FHIT: variants seen among roughly 807,000 people sequenced by gnomAD.
The protein encoded by FHIT is fragile histidine triad diadenosine triphosphatase, also known as bis(5'-adenosyl)-triphosphatase.
Under a neutral mutation model 17.9 loss-of-function variants are expected in FHIT, and 19 were observed. That is an observed-to-expected ratio of 1.06 (90% CI 0.74 to 1.56). FHIT has a LOEUF of 1.56. Ranked by LOEUF, FHIT falls within the 40% of genes most tolerant of loss-of-function variation. FHIT has a pLI of 0.00. For missense variants in FHIT, 248 were observed against 189.2 expected (o/e 1.31, Z -1.82); for synonymous variants, 81 against 69.7 (o/e 1.16, Z -0.81).
chr3:60,305,220 A>C (rs538397051), intron 5 of FHIT, among the ~76,000 whole-genome samples: 1 of 152,250 alleles, frequency 6.6e-6, no homozygotes, highest in Non-Finnish European at 1.5e-5. Flanking sequence ...CATAATAAAT[A>C]GGAAACACTG....
intron 4 of FHIT, among the ~76,000 whole-genome samples, chr3:60,591,634 G>A (rs2038088166): frequency 6.6e-6 from 1 of 152,070 alleles, no homozygotes; most frequent in Non-Finnish European, 1.5e-5. Context: ...TGTCGTGGAA[G>A]ACTAAAGTTA....
intron 5 of FHIT, among the ~76,000 whole-genome samples, chr3:60,286,202 A>G (rs192793773): frequency 2.0e-5 from 3 of 152,328 alleles, no homozygotes; most frequent in Admixed American, 1.3e-4. Flanking sequence ...GAACACCACA[A>G]TGAACTAGAA....
At chr3:60,729,752 T>G (rs2041990201) in intron 4 of FHIT, among the ~76,000 whole-genome samples, 1 of 98,868 alleles carries the variant, frequency 1.0e-5, no homozygotes, top group Non-Finnish European at 2.1e-5. Context: ...AAAAGAAGAT[T>G]TTAAAAATAT....
chr3:59,839,318 C>T (rs1701448753), intron 8 of FHIT, among the ~76,000 whole-genome samples: 3 of 132,588 alleles, frequency 2.3e-5, no homozygotes, highest in Admixed American at 7.5e-5. Context: ...ACTTCATTTT[C>T]AAAAAAAAAA....
chr3:61,043,186 G>A (rs1326955016), intron 2 of FHIT, among the ~76,000 whole-genome samples: 1 of 152,158 alleles, frequency 6.6e-6, no homozygotes, highest in African/African-American at 2.4e-5. Context: ...AAGGGGTCAG[G>A]GAATTCCGTT....
chr3:59,935,952 C>G (rs1227683774), intron 7 of FHIT, among the ~76,000 whole-genome samples: 2 of 152,166 alleles, frequency 1.3e-5, no homozygotes, highest in Non-Finnish European at 2.9e-5. Context: ...TTGTACACAC[C>G]TTTCTTCCCC....
intron 1 of FHIT, among the ~76,000 whole-genome samples, chr3:61,201,738 C>A (rs1243534629): frequency 2.7e-5 from 4 of 145,650 alleles, no homozygotes; most frequent in African/African-American, 1.1e-4. Flanking sequence ...TCAGAAATTT[C>A]TCCTTCCCCC....
intron 5 of FHIT, among the ~76,000 whole-genome samples, chr3:60,020,090 G>A (rs76062469): frequency 1.0e-3 from 155 of 152,240 alleles, no homozygotes; most frequent in African/African-American, 3.7e-3. Flanking sequence ...ATGAAACACA[G>A]AACCAACTGC....
chr3:60,305,472 A>G (rs1435788131), intron 5 of FHIT, among the ~76,000 whole-genome samples: 3 of 152,136 alleles, frequency 2.0e-5, no homozygotes, highest in East Asian at 1.9e-4. Flanking sequence ...ATGCAGGGCC[A>G]TGAGTTACTG....
At chr3:60,052,574 T>C in intron 5 of FHIT, among the ~76,000 whole-genome samples, 1 of 151,996 alleles carries the variant, frequency 6.6e-6, no homozygotes, top group East Asian at 1.9e-4. Context: ...TCATAAACAT[T>C]GTGAACTGGC....
At chr3:60,984,905 G>C (rs1710655167) in intron 3 of FHIT, among the ~76,000 whole-genome samples, 1 of 151,944 alleles carries the variant, frequency 6.6e-6, no homozygotes, top group Non-Finnish European at 1.5e-5. Flanking sequence ...AACACATAAT[G>C]ATAAAAATTT....
At chr3:59,874,587 G>A (rs996178025) in intron 8 of FHIT, among the ~76,000 whole-genome samples, 6 of 152,092 alleles carry the variant, frequency 3.9e-5, no homozygotes, top group Non-Finnish European at 7.3e-5. Flanking sequence ...TGAAACGTAC[G>A]ATATTACGGG....
chr3:60,519,569 TTAAAG>T (rs1326107042), intron 5 of FHIT, among the ~76,000 whole-genome samples: 2 of 147,094 alleles, frequency 1.4e-5, no homozygotes, highest in Non-Finnish European at 3.0e-5. Context: ...TATTGTATTC[TTAAAG>T]TAAACTAGAG....
chr3:60,464,597 G>T (rs1024745837), intron 5 of FHIT, among the ~76,000 whole-genome samples: 2 of 152,118 alleles, frequency 1.3e-5, no homozygotes, highest in Non-Finnish European at 2.9e-5. Context: ...TCACAAAGAA[G>T]TGAGAACATG....
intron 7 of FHIT, among the ~76,000 whole-genome samples, chr3:59,985,844 T>C (rs1708873902): frequency 6.6e-6 from 1 of 152,068 alleles, no homozygotes; most frequent in African/African-American, 2.4e-5. Flanking sequence ...CACTCAGTCA[T>C]GACTGGCCTT....
At chr3:60,481,559 C>G (rs2033610704) in intron 5 of FHIT, among the ~76,000 whole-genome samples, 1 of 152,188 alleles carries the variant, frequency 6.6e-6, no homozygotes, top group Admixed American at 6.5e-5. Context: ...CCCAGAATTT[C>G]ATATCCAGCC....
chr3:60,954,936 C>T (rs1553778276), intron 3 of FHIT, among the ~76,000 whole-genome samples: 1 of 152,194 alleles, frequency 6.6e-6, no homozygotes, highest in Non-Finnish European at 1.5e-5. Context: ...ACCAAACAGA[C>T]TTGTCCTAAT....
intron 8 of FHIT, among the ~76,000 whole-genome samples, chr3:59,824,947 C>G (rs2629895): frequency 0.99 from 151,339 of 152,352 alleles, 75,177 homozygotes; most frequent in East Asian, 1. Context: ...TCCCTATTGA[C>G]GAGCTTTGCT....
chr3:60,418,505 C>A (rs1162835129), intron 5 of FHIT, among the ~76,000 whole-genome samples: 1 of 142,244 alleles, frequency 7.0e-6, no homozygotes, highest in Non-Finnish European at 1.5e-5. Flanking sequence ...TGGTATTGAA[C>A]CTAACTCTTC....
Sources: gnomAD v4.1 joint callset for allele counts (sites outside exome capture counted in the v4.1 genomes callset) on GRCh38, gnomAD v4.1.1 for gene constraint, MANE v1.5 for transcripts, NCBI Gene and HGNC (gene_info 2026-07-23, HGNC 2026-07-21) for gene names.